The following APOLD1 variants were observed in gnomAD, a reference collection of about 807,000 sequenced individuals.
The protein encoded by APOLD1 is apolipoprotein L domain-containing protein 1.
A neutral mutation model predicts 15.3 loss-of-function variants in APOLD1; 22 were observed. That is an observed-to-expected ratio of 1.44 (90% CI 1.03 to 2.05). The LOEUF is 2.05. APOLD1 is among the 30% of genes most tolerant of loss of function. APOLD1 has a pLI of 0.00. For synonymous variants in APOLD1, 190 were observed against 167.4 expected (o/e 1.13, Z -1.04); for missense variants, 394 against 353.5 (o/e 1.11, Z -0.92).
chr12:12,780,043 T>C (rs1190063507), intron 1 of APOLD1, among the ~76,000 whole-genome samples: 1 of 151,990 alleles, frequency 6.6e-6, no homozygotes, highest in Non-Finnish European at 1.5e-5. Flanking sequence ...AGCTGTATAG[T>C]CCAAGAGAAA....
In APOLD1 at chr12:12,757,657, T is replaced by C. The variant is rs1470136633; in HGVS notation, c.97-29252T>C. 2.0e-5 allele frequency among the ~76,000 whole-genome samples: 3 copies of C among 150,022 alleles called. 1 individual carries two copies. The highest frequency in any genetic ancestry group is 7.5e-5 in the African/African-American group (3 of 39,820). On this transcript the variant is annotated intron_variant, in intron 1 of 1. Coordinates refer to the APOLD1 transcript ENST00000326765. ...CCATCTCCCAAAAGTAACCGCTTTCTTGCCTTTTTTTTCTTTAAAAAAAAA... is the reference window on the plus strand; with the variant it reads ...CCATCTCCCAAAAGTAACCGCTTTCCTGCCTTTTTTTTCTTTAAAAAAAAA...
At chr12:12,761,830 T>TAGAGAAAGAGAG (rs1946901958) in intron 1 of APOLD1, among the ~76,000 whole-genome samples, 1 of 114,592 alleles carries the variant, frequency 8.7e-6, no homozygotes, top group Non-Finnish European at 1.7e-5. Flanking sequence ...TGTATATGTA[T>TAGAGAAAGAGAG]AGAGAGAGAG....
intron 1 of APOLD1, among the ~76,000 whole-genome samples, chr12:12,776,814 A>G (rs1592307353): frequency 6.6e-6 from 1 of 152,240 alleles, no homozygotes; most frequent in Non-Finnish European, 1.5e-5. Context: ...ATTCAAAATC[A>G]TATTATATTG....
chr12:12,785,148 C>T (rs749466110), upstream of APOLD1, among the ~76,000 whole-genome samples: 3 of 152,128 alleles, frequency 2.0e-5, no homozygotes, highest in Admixed American at 6.5e-5. Flanking sequence ...GCAGGGTACC[C>T]GCTGCATGCC....
rs1947187050 is a variant in APOLD1, at chr12:12,791,440, A to G, written c.*3788A>G. The stretch of plus-strand genomic sequence containing the variant: ...GTAGCAAAATTAATGCTTTCTCTTT[A>G]TTGAAATAAATTGCTCATTCCTCAA... On this transcript the variant is annotated 3_prime_UTR_variant, in exon 2 of 2. Transcript: ENST00000356591. The G allele has an allele frequency of 6.6e-6, 1 of 152,184 alleles. No homozygotes were observed. Among genetic ancestry groups the G allele is most frequent in the Non-Finnish European group, 1.5e-5 (1 of 68,028 alleles). The allele number at this position is 152,184 out of a possible 1,614,324, so 9.4% of individuals were successfully genotyped here.
intron 1 of APOLD1, among the ~76,000 whole-genome samples, chr12:12,746,858 T>C (rs992213517): frequency 6.6e-6 from 1 of 152,168 alleles, no homozygotes; most frequent in Non-Finnish European, 1.5e-5. Flanking sequence ...GTGTACCCAA[T>C]GTTTAGCACT....
chr12:12,749,059 AG>A (rs1946787271), intron 1 of APOLD1, among the ~76,000 whole-genome samples: 1 of 152,144 alleles, frequency 6.6e-6, no homozygotes. Context: ...TTAAATTCAC[AG>A]GCCATGGGGT....
In APOLD1 at chr12:12,791,015, T is replaced by C. The variant is rs1445712407; in HGVS notation, c.*3363T>C. The C allele has an allele frequency of 6.6e-6, 1 of 152,250 alleles. No individual in the cohort carries two copies. The highest frequency in any genetic ancestry group is 1.5e-5 in the Non-Finnish European group (1 of 68,048). 9.4% of individuals were successfully genotyped at this position (152,250 alleles called of 1,614,324 possible). ...ATGTTTGTTCTAAATGTTTAAGTGCTTCTCTGTTAGGTTCTGGGGCTTGCA... is the reference window on the plus strand; with the variant it reads ...ATGTTTGTTCTAAATGTTTAAGTGCCTCTCTGTTAGGTTCTGGGGCTTGCA... On this transcript the variant is annotated 3_prime_UTR_variant, in exon 2 of 2. Transcript: ENST00000356591.
At chr12:12,776,003 C>CAAAAAAAAAAA (rs34623976) in intron 1 of APOLD1, among the ~76,000 whole-genome samples, 11 of 62,172 alleles carry the variant, frequency 1.8e-4, no homozygotes, top group South Asian at 5.9e-4. Context: ...GACCCAGTCT[C>CAAAAAAAAAAA]AAAAAAAAAA....
chr12:12,787,922 C>A lies in APOLD1; in HGVS notation c.*270C>A. On this transcript the variant is annotated 3_prime_UTR_variant, in exon 2 of 2. Coordinates refer to ENST00000356591, the MANE Select transcript of APOLD1 (RefSeq NM_030817.3). This position sits in a 1 kb window ranked among gnomAD's most constrained non-coding sequence, Gnocchi z 4.9. ...TTTTCCTTTATCAAAAACTTTCTGT[C>A]TAAACACAGCTGGGCAGGCACTCCT... The A allele has an allele frequency of 4.7e-6, 2 of 425,920 alleles. No homozygotes were observed. 26.4% of individuals were successfully genotyped at this position (425,920 alleles called of 1,614,324 possible).
chr12:12,761,821 G>GAACATATACATATATA (rs1946901390), intron 1 of APOLD1, among the ~76,000 whole-genome samples: 2 of 139,290 alleles, frequency 1.4e-5, no homozygotes, highest in Non-Finnish European at 3.0e-5. Flanking sequence ...ATACATATAT[G>GAACATATACATATATA]TATATGTATA....
At chr12:12,737,332 C>G (rs1356597813) in intron 1 of APOLD1, among the ~76,000 whole-genome samples, 3 of 151,932 alleles carry the variant, frequency 2.0e-5, no homozygotes, top group African/African-American at 7.3e-5. Flanking sequence ...TGGCTGTGAC[C>G]CACCCCATAC....
At chr12:12,747,969 G>A (rs1946779431) in intron 1 of APOLD1, among the ~76,000 whole-genome samples, 1 of 152,156 alleles carries the variant, frequency 6.6e-6, no homozygotes, top group Non-Finnish European at 1.5e-5. Context: ...GTGCTTAAAA[G>A]CCATGGCCTG....
chr12:12,773,907 A>G (rs375376467), intron 1 of APOLD1, among the ~76,000 whole-genome samples: 32 of 152,336 alleles, frequency 2.1e-4, no homozygotes, highest in African/African-American at 7.2e-4. Flanking sequence ...AAATGAGTCT[A>G]GACACAGATC....
chr12:12,747,988 T>C (rs932323985), intron 1 of APOLD1, among the ~76,000 whole-genome samples: 1 of 152,132 alleles, frequency 6.6e-6, no homozygotes, highest in African/African-American at 2.4e-5. Flanking sequence ...TGGGGAAAAC[T>C]TTGGAAAAGT....
At chr12:12,774,754 A>G (rs950240797) in intron 1 of APOLD1, among the ~76,000 whole-genome samples, 2 of 152,088 alleles carry the variant, frequency 1.3e-5, no homozygotes, top group African/African-American at 4.8e-5. Context: ...ATGAGGTACC[A>G]TTACATATTG....
At chr12:12,786,795 G>T in intron 1 of APOLD1, 114 bp from the exon 2 acceptor site, 1 of 1,303,246 alleles carries the variant, frequency 7.7e-7, no homozygotes, top group Non-Finnish European at 9.7e-7. Flanking sequence ...CCCTAGCGTG[G>T]CAGTGGCTGC....
At chr12:12,754,668 T>G (rs1259376629) in intron 1 of APOLD1, among the ~76,000 whole-genome samples, 1 of 152,014 alleles carries the variant, frequency 6.6e-6, no homozygotes, top group Non-Finnish European at 1.5e-5. Context: ...TGACCTCCAG[T>G]GATCTGCCCA....
chr12:12,785,458 G>T, upstream of APOLD1: 1 of 599,960 alleles, frequency 1.7e-6, no homozygotes. Flanking sequence ...GCGTTCAGGG[G>T]AAAGCGAACA....
Sources: gnomAD v4.1 joint callset for allele counts (sites outside exome capture counted in the v4.1 genomes callset) on GRCh38, gnomAD v4.1.1 for gene constraint, Gnocchi (gnomAD v3.1) non-coding constraint, MANE v1.5 for transcripts, NCBI Gene and HGNC (gene_info 2026-07-23, HGNC 2026-07-21) for gene names.